Variants in CTNNA3 observed in about 807,000 individuals in gnomAD.
The protein encoded by CTNNA3 is catenin alpha 3, also known as catenin alpha-3.
A neutral mutation model predicts 95.7 loss-of-function variants in CTNNA3; 76 were observed. The ratio of observed to expected loss-of-function variants is 0.79; its 90% CI spans 0.66 to 0.96. The LOEUF is 0.96. CTNNA3 is among the 40% of genes least tolerant of loss of function. The pLI is 0.00. For synonymous variants in CTNNA3, 431 were observed against 374.4 expected (o/e 1.15, Z -1.74); for missense variants, 1,191 against 1,089.8 (o/e 1.09, Z -1.31).
intron 15 of CTNNA3, among the ~76,000 whole-genome samples, chr10:66,052,612 A>G (rs553159049): frequency 1.4e-4 from 22 of 152,282 alleles, no homozygotes; most frequent in African/African-American, 4.8e-4. Flanking sequence ...CCCTCCCTCT[A>G]TAACATTTCC....
intron 1 of CTNNA3, among the ~76,000 whole-genome samples, chr10:67,665,123 G>C (rs1490152404): frequency 6.6e-6 from 1 of 152,138 alleles, no homozygotes; most frequent in Non-Finnish European, 1.5e-5. Flanking sequence ...GCTGATGTAA[G>C]ACTACTATAG....
intron 11 of CTNNA3, among the ~76,000 whole-genome samples, chr10:66,380,661 T>G (rs2092831663): frequency 6.7e-6 from 1 of 149,430 alleles, no homozygotes; most frequent in African/African-American, 2.4e-5. Context: ...TTATATATAG[T>G]TAAAATTTAA....
At chr10:66,089,309 C>T (rs1388061043) in intron 14 of CTNNA3, among the ~76,000 whole-genome samples, 5 of 151,688 alleles carry the variant, frequency 3.3e-5, no homozygotes, top group Admixed American at 2.6e-4. Context: ...AATAGAGAGT[C>T]TTCCTGCCCC....
At chr10:66,331,169 AG>A (rs1406514788) in intron 12 of CTNNA3, among the ~76,000 whole-genome samples, 1 of 151,788 alleles carries the variant, frequency 6.6e-6, no homozygotes, top group African/African-American at 2.4e-5. Flanking sequence ...GGTATTGCCT[AG>A]GTTTTCTTCT....
intron 13 of CTNNA3, among the ~76,000 whole-genome samples, chr10:66,193,550 CTAA>C (rs1283923627): frequency 6.6e-6 from 1 of 152,116 alleles, no homozygotes; most frequent in African/African-American, 2.4e-5. Context: ...ACTACAGACT[CTAA>C]AAGAATTTTC....
chr10:67,167,871 G>A (rs1170595039), intron 7 of CTNNA3, among the ~76,000 whole-genome samples: 2 of 152,120 alleles, frequency 1.3e-5, no homozygotes, highest in East Asian at 1.9e-4. Context: ...AGTGGCTCAC[G>A]CCTATAATCC....
At chr10:66,792,883 G>C (rs1841033438) in intron 7 of CTNNA3, among the ~76,000 whole-genome samples, 1 of 152,142 alleles carries the variant, frequency 6.6e-6, no homozygotes, top group South Asian at 2.1e-4. Context: ...ATCTTCTCTA[G>C]AAGTTTACAG....
Position 67,606,981 on chromosome 10 carries a change from A to T in CTNNA3, c.168T>A (p.Ser56Arg). ...SRKKGRSKRA[S>R]VLLASVEEAT... ...CTTCCTCCACAGAAGCTAGAAGGACACTGGCTCTTTTCGAACGTCCTTTTT... is the reference window on the plus strand; with the variant it reads ...CTTCCTCCACAGAAGCTAGAAGGACTCTGGCTCTTTTCGAACGTCCTTTTT... The change falls in exon 3 of 18, where the codon AGT becomes AGA. Residue 56 changes from serine (S) to arginine (R), a missense_variant. By Grantham distance (110) the Ser-to-Arg change is moderately radical (BLOSUM62 -1). Transcript: ENST00000433211. 6.2e-7 allele frequency: 1 copy of T among 1,614,052 alleles called. No individual in the cohort carries two copies. Among genetic ancestry groups the T allele is most frequent in the Non-Finnish European group, 8.5e-7 (1 of 1,179,900 alleles).
chr10:66,835,598 G>A (rs1192077994), intron 7 of CTNNA3, among the ~76,000 whole-genome samples: 1 of 152,202 alleles, frequency 6.6e-6, no homozygotes, highest in Non-Finnish European at 1.5e-5. Context: ...AACCCTGGAA[G>A]TGATACTTTT....
chr10:67,391,208 C>G (rs917581962), intron 5 of CTNNA3, among the ~76,000 whole-genome samples: 13 of 152,164 alleles, frequency 8.5e-5, no homozygotes, highest in African/African-American at 2.9e-4. Context: ...TCAGCAAAGT[C>G]TCAGGATACA....
intron 7 of CTNNA3, among the ~76,000 whole-genome samples, chr10:67,052,101 G>A (rs1194240160): frequency 6.6e-6 from 1 of 152,110 alleles, no homozygotes; most frequent in African/African-American, 2.4e-5. Flanking sequence ...GGGTCGTTGA[G>A]AGTCTATTTT....
intron 7 of CTNNA3, among the ~76,000 whole-genome samples, chr10:67,159,340 T>C (rs1861439354): frequency 6.6e-6 from 1 of 152,172 alleles, no homozygotes; most frequent in East Asian, 1.9e-4. Context: ...AATAAAGCCC[T>C]TCCTTCTATA....
At chr10:66,550,435 A>C (rs2659989) in intron 10 of CTNNA3, among the ~76,000 whole-genome samples, 140,285 of 152,170 alleles carry the variant, frequency 0.92, 64,850 homozygotes, top group East Asian at 0.98. Flanking sequence ...AAATAGGCTC[A>C]CAGGCCAGCC....
chr10:66,680,409 G>C (rs898584073), intron 9 of CTNNA3, among the ~76,000 whole-genome samples: 3 of 152,104 alleles, frequency 2.0e-5, no homozygotes, highest in African/African-American at 7.2e-5. Flanking sequence ...TCAATGTAAG[G>C]TGATAGTATA....
chr10:66,072,370 C>T (rs978593562), intron 14 of CTNNA3, among the ~76,000 whole-genome samples: 3 of 152,104 alleles, frequency 2.0e-5, no homozygotes, highest in African/African-American at 7.2e-5. Flanking sequence ...TTGTTTTTCT[C>T]TGTCTTCATT....
intron 7 of CTNNA3, among the ~76,000 whole-genome samples, chr10:66,981,823 C>T (rs764725286): frequency 2.0e-5 from 3 of 152,182 alleles, no homozygotes; most frequent in Non-Finnish European, 4.4e-5. Context: ...GTGAGGACAT[C>T]GAGCACATTG....
intron 6 of CTNNA3, among the ~76,000 whole-genome samples, chr10:67,189,327 G>C (rs533909033): frequency 1.4e-3 from 217 of 152,126 alleles, no homozygotes; most frequent in African/African-American, 5.1e-3. Context: ...AGGGGGCAGG[G>C]ACAGGATTCA....
chr10:66,381,788 C>G (rs778537784), intron 11 of CTNNA3, among the ~76,000 whole-genome samples: 15 of 152,066 alleles, frequency 9.9e-5, no homozygotes, highest in South Asian at 2.1e-4. Context: ...TATCATTAAG[C>G]CCTACAGTAA....
rs556611995 is a variant in CTNNA3, at chr10:66,318,317, C to T, written c.1733-37696G>A. 2.8e-4 allele frequency among the ~76,000 whole-genome samples: 34 copies of T among 119,750 alleles called. 1 individual carries two copies. The South Asian group carries it at 8.0e-3, about 28-fold the overall frequency. 78.6% of individuals were successfully genotyped at this position (119,750 alleles called of 152,430 possible). ...GTGTGTGTGTGTGTGTATGTGTGCA[C>T]GCGAATTTGGATAAGTGAGATTTTC... On this transcript the variant is annotated intron_variant, in intron 12 of 17. Transcript: ENST00000433211.
Sources: allele counts gnomAD v4.1 joint callset (sites outside exome capture counted in the v4.1 genomes callset), GRCh38; gene constraint gnomAD v4.1.1; transcripts MANE v1.5; gene names NCBI Gene and HGNC (gene_info 2026-07-23, HGNC 2026-07-21).